The following DLGAP2 variants were observed in gnomAD, a reference collection of about 807,000 sequenced individuals.
DLGAP2 encodes the protein disks large-associated protein 2.
A neutral mutation model predicts 100.3 loss-of-function variants in DLGAP2; 26 were observed. That is an observed-to-expected ratio of 0.26 (90% CI 0.19 to 0.36). DLGAP2 has a LOEUF of 0.36. DLGAP2 is among the 10% of genes least tolerant of loss of function. The pLI is 1.00. For missense variants in DLGAP2, 1,858 were observed against 1,453.2 expected (o/e 1.28, Z -4.53); for synonymous variants, 886 against 630.1 (o/e 1.41, Z -6.08).
At chr8:1,270,718 G>T (rs1004152381) in intron 3 of DLGAP2, among the ~76,000 whole-genome samples, 1 of 151,304 alleles carries the variant, frequency 6.6e-6, no homozygotes, top group African/African-American at 2.4e-5. Flanking sequence ...GTGTGTGTGT[G>T]TGTCTCCCTC....
At chr8:1,568,075 A>C (rs1297473278) in intron 6 of DLGAP2, among the ~76,000 whole-genome samples, 2 of 150,820 alleles carry the variant, frequency 1.3e-5, no homozygotes, top group East Asian at 4.0e-4. Context: ...CTGCCCACTC[A>C]GCAGACACAA....
At chr8:925,715 AAGG>A (rs1161211510) in intron 2 of DLGAP2, among the ~76,000 whole-genome samples, 2 of 152,068 alleles carry the variant, frequency 1.3e-5, no homozygotes, top group African/African-American at 2.4e-5. Flanking sequence ...GTGTGAATAG[AAGG>A]AGATTTGTTA....
At chr8:1,064,660 A>C (rs2129035902) in intron 2 of DLGAP2, among the ~76,000 whole-genome samples, 1 of 152,310 alleles carries the variant, frequency 6.6e-6, no homozygotes, top group African/African-American at 2.4e-5. Context: ...ACATTCTCTA[A>C]AATATTCGCT....
At chr8:883,325 T>G (rs1797849708) in intron 1 of DLGAP2, 1 of 152,146 alleles carries the variant, frequency 6.6e-6, no homozygotes, top group African/African-American at 2.4e-5. Context: ...GTATGGCGGA[T>G]AGAAGGATTC....
At chr8:1,383,250 G>A (rs1221869403) in intron 3 of DLGAP2, among the ~76,000 whole-genome samples, 2 of 152,184 alleles carry the variant, frequency 1.3e-5, no homozygotes, top group Non-Finnish European at 2.9e-5. Context: ...TTTCTGGAAA[G>A]TCATCAAGTT....
chr8:1,085,139 C>T (rs79786083), intron 2 of DLGAP2, among the ~76,000 whole-genome samples: 1 of 152,226 alleles, frequency 6.6e-6, no homozygotes, highest in Non-Finnish European at 1.5e-5. Context: ...CTACATGTGC[C>T]TGTTGGCCAT....
intron 1 of DLGAP2, among the ~76,000 whole-genome samples, chr8:880,953 G>C (rs555829621): frequency 2.0e-5 from 3 of 152,310 alleles, no homozygotes; most frequent in African/African-American, 4.8e-5. Flanking sequence ...ATATCTAATT[G>C]CACAGCCAAC....
At position 1,701,361 on chromosome 8, in the gene DLGAP2, G is replaced by A. The variant is rs746893648; in HGVS notation, c.3123G>A (p.Ala1041=). 5 of 1,597,596 alleles carry A rather than the reference G, an allele frequency of 3.1e-6. No homozygotes were observed. The highest frequency in any genetic ancestry group is 3.4e-5 in the Admixed American group (2 of 57,982). ...GGCAGAATTCCGCCTCCGAGCGCGC[G>A]GACAGCATCGAGATCTACATCCCCG... is the stretch of plus-strand genomic sequence containing the variant. ...SFRQNSASER[A]DSIEIYIPEA... is the part of the protein sequence containing the mutation. Residue 1041 remains alanine, a synonymous_variant, in exon 15 of 15, where the codon GCG becomes GCA. Coordinates refer to ENST00000637795, the MANE Select transcript of DLGAP2 (RefSeq NM_001346810.2).
chr8:1,206,255 C>T (rs1797986938), intron 2 of DLGAP2, among the ~76,000 whole-genome samples: 1 of 151,872 alleles, frequency 6.6e-6, no homozygotes, highest in African/African-American at 2.4e-5. Flanking sequence ...ACTGGGCACT[C>T]CTGCAGCTCC....
chr8:1,261,384 T>G (rs28409098), intron 3 of DLGAP2, among the ~76,000 whole-genome samples: 3 of 74,984 alleles, frequency 4.0e-5, no homozygotes, highest in African/African-American at 1.6e-4. Flanking sequence ...ATCTTTAAAA[T>G]GAGACAGACT....
In DLGAP2 at chr8:935,721, A is replaced by G. The variant is rs369204397; in HGVS notation, c.73+27755A>G. 2.8e-3 allele frequency among the ~76,000 whole-genome samples: 433 copies of G among 152,274 alleles called. 3 individuals carry two copies. Among genetic ancestry groups the G allele is most frequent in the African/African-American group, 9.7e-3 (404 of 41,568 alleles). ...CAAGATCTCTACACCCCAGCAGCCC[A>G]GGAGCCGTGCGTCCTGCTCTAGTTT... On this transcript the variant is annotated intron_variant, in intron 2 of 14. Coordinates refer to ENST00000637795, the MANE Select transcript of DLGAP2 (RefSeq NM_001346810.2).
chr8:1,292,828 C>G (rs1305942397), intron 3 of DLGAP2, among the ~76,000 whole-genome samples: 1 of 152,082 alleles, frequency 6.6e-6, no homozygotes, highest in African/African-American at 2.4e-5. Context: ...TTTCATTTCA[C>G]TCCTGCTCAT....
At chr8:1,689,250 C>T (rs1414519066) in intron 12 of DLGAP2, among the ~76,000 whole-genome samples, 1 of 152,198 alleles carries the variant, frequency 6.6e-6, no homozygotes, top group East Asian at 1.9e-4. Context: ...AACGGACTTT[C>T]TGGCCCGACC....
chr8:1,507,250 G>A lies in DLGAP2; in HGVS notation c.172+5819G>A, dbSNP rs574789550. Among the ~76,000 whole-genome samples, 14 of 152,340 alleles carry A rather than the reference G, an allele frequency of 9.2e-5. 1 individual carries two copies. The South Asian group carries it at 2.5e-3, about 27-fold the overall frequency. Reference sequence around the variant, plus strand: ...GGCTTGGGCCGCGCGGGAGCCCACCGCGAGGGGGAGGCTCAGGCATGGCGG... The same window carrying A: ...GGCTTGGGCCGCGCGGGAGCCCACCACGAGGGGGAGGCTCAGGCATGGCGG... On this transcript the variant is annotated intron_variant, in intron 4 of 14. Coordinates refer to ENST00000637795, the MANE Select transcript of DLGAP2 (RefSeq NM_001346810.2).
At chr8:775,229 T>C (rs986242416) in intron 1 of DLGAP2, among the ~76,000 whole-genome samples, 4 of 152,184 alleles carry the variant, frequency 2.6e-5, no homozygotes, top group Admixed American at 6.5e-5. Flanking sequence ...AAGTTGCTTA[T>C]CAGCTTAAGG....
chr8:1,683,965 T>TATATATATATATATATATATATATAC (rs1799042414), intron 12 of DLGAP2, among the ~76,000 whole-genome samples: 1 of 123,528 alleles, frequency 8.1e-6, no homozygotes, highest in Non-Finnish European at 1.7e-5. Context: ...TATATATATA[T>TATATATATATATATATATATATATAC]ATATATATAT....
intron 5 of DLGAP2, among the ~76,000 whole-genome samples, chr8:1,562,721 G>T (rs1584930271): frequency 4.0e-5 from 1 of 24,908 alleles, no homozygotes; most frequent in African/African-American, 2.0e-4. Context: ...GGGTGTCCGC[G>T]CCTCGTTACT....
At chr8:1,457,010 G>C (rs1285197474) in intron 3 of DLGAP2, among the ~76,000 whole-genome samples, 1 of 152,238 alleles carries the variant, frequency 6.6e-6, no homozygotes, top group Non-Finnish European at 1.5e-5. Context: ...AGTTCAGAGG[G>C]CTGCTTGGCT....
At chr8:1,566,414 T>C (rs1294922338) in intron 6 of DLGAP2, among the ~76,000 whole-genome samples, 2 of 152,364 alleles carry the variant, frequency 1.3e-5, no homozygotes, top group Non-Finnish European at 2.9e-5. Context: ...AAATTTAATT[T>C]TGAAAATATA....
Sources: gnomAD v4.1 joint callset for allele counts (sites outside exome capture counted in the v4.1 genomes callset) on GRCh38, gnomAD v4.1.1 for gene constraint, MANE v1.5 for transcripts, NCBI Gene and HGNC (gene_info 2026-07-23, HGNC 2026-07-21) for gene names.